DYNC2LI1: variants seen among roughly 807,000 people sequenced by gnomAD.
The protein encoded by DYNC2LI1 is dynein cytoplasmic 2 light intermediate chain 1.
In DYNC2LI1, 45 loss-of-function variants were observed where a neutral mutation model predicts 51.9. That is an observed-to-expected ratio of 0.87 (90% CI 0.68 to 1.11). The LOEUF is 1.11. DYNC2LI1 is among the 50% of genes most tolerant of loss of function. DYNC2LI1 has a pLI of 0.00. For synonymous variants in DYNC2LI1, 130 were observed against 137.8 expected, an observed-to-expected ratio of 0.94 and a Z score of 0.40; for missense variants, 490 against 417.4, an observed-to-expected ratio of 1.17 and a Z score of -1.51.
chr2:43,796,029 A>C, intron 7 of DYNC2LI1, 71 bp downstream of exon 7: 1 of 1,041,622 alleles, frequency 9.6e-7, no homozygotes, highest in Non-Finnish European at 1.4e-6. Context: ...GAGGTACAAA[A>C]ATAATATCAA....
At chr2:43,799,252 T>G (rs1002154966) in intron 8 of DYNC2LI1, among the ~76,000 whole-genome samples, 11 of 152,088 alleles carry the variant, frequency 7.2e-5, no homozygotes, top group Admixed American at 2.0e-4. Context: ...CAGTGAGTTA[T>G]GATCACACTG....
chr2:43,800,927 A>G lies in DYNC2LI1; in HGVS notation c.731+10A>G. ...TTGGCATTGACAAAAGGTACTGCTA[A>G]GATATTTTTTATATCATTTATTGAG... On this transcript the variant is annotated intron_variant, in intron 9 of 12. Coordinates refer to ENST00000260605, the MANE Select transcript of DYNC2LI1 (RefSeq NM_016008.4). The G allele has an allele frequency of 6.4e-7, 1 of 1,564,182 alleles. No individual in the cohort carries two copies. Among genetic ancestry groups the G allele is most frequent in the Admixed American group, 1.8e-5 (1 of 56,772 alleles).
chr2:43,784,875 A>G (rs762146104), intron 3 of DYNC2LI1, among the ~76,000 whole-genome samples: 7 of 152,246 alleles, frequency 4.6e-5, no homozygotes, highest in Admixed American at 3.9e-4. Flanking sequence ...TTTGGGACAT[A>G]TAACCGAATA....
At chr2:43,806,992 A>T (rs528576251) in intron 12 of DYNC2LI1, among the ~76,000 whole-genome samples, 1 of 152,338 alleles carries the variant, frequency 6.6e-6, no homozygotes, top group South Asian at 2.1e-4. Context: ...TCCAGATTGC[A>T]CACACAGGAC....
downstream of DYNC2LI1, among the ~76,000 whole-genome samples, chr2:43,813,709 G>GTT (rs1214033245): frequency 0.033 from 1,117 of 34,008 alleles, 228 homozygotes; most frequent in Middle Eastern, 0.059. Flanking sequence ...TTTTTTTTTC[G>GTT]TTTTTTTTTT....
intron 1 of DYNC2LI1, 22 bp from the exon 2 acceptor site, chr2:43,776,760 G>T (rs762604484): frequency 8.1e-7 from 1 of 1,241,802 alleles, no homozygotes; most frequent in African/African-American, 1.6e-5. Flanking sequence ...CCTCAATTTT[G>T]TTTTTTCTGC....
In DYNC2LI1 at chr2:43,804,777, G is replaced by T. The variant is rs779331143; in HGVS notation, c.900+38G>T. 1.1e-5 allele frequency: 15 copies of T among 1,339,250 alleles called. No homozygotes were observed. In the South Asian group the frequency reaches 1.7e-4, roughly 15 times the overall value. The allele number at this position is 1,339,250 out of a possible 1,614,324, so 83.0% of individuals were successfully genotyped here. On this transcript the variant is annotated intron_variant, in intron 11 of 12. Transcript: ENST00000260605. ...AATTTTTTTAAAAGCAAGACTTTTAGCACTGTCTAACAGTTATAGGAAATG... is the reference window on the plus strand; with the variant it reads ...AATTTTTTTAAAAGCAAGACTTTTATCACTGTCTAACAGTTATAGGAAATG...
At position 43,809,804 on chromosome 2, in the gene DYNC2LI1, C is replaced by G. The variant is rs1424341467; in HGVS notation, c.*37C>G. ...TTATTGTATATTTATTTCTTCTTTT[C>G]CAAATACAAATAAGATTATACTGTG... On this transcript the variant is annotated 3_prime_UTR_variant, in exon 13 of 13. Transcript: ENST00000260605. 6.4e-7 allele frequency: 1 copy of G among 1,574,304 alleles called. No individual in the cohort carries two copies. Among genetic ancestry groups the G allele is most frequent in the Non-Finnish European group, 8.6e-7 (1 of 1,159,850 alleles).
At chr2:43,774,992 A>G (rs928699724) in intron 1 of DYNC2LI1, among the ~76,000 whole-genome samples, 1 of 152,116 alleles carries the variant, frequency 6.6e-6, no homozygotes. Flanking sequence ...TAGTGCAAAC[A>G]TTTAAGGACT....
rs762694520 is a variant in DYNC2LI1, at chr2:43,794,624, A to C, written c.488A>C (p.Asn163Thr). The stretch of plus-strand genomic sequence containing the variant: ...GAAATGAGACAGAAGATCTGGAATA[A>C]TATGCCGAAGGATCATCCTGTGAGT... The part of the protein sequence containing the change: ...VSEMRQKIWN[N>T]MPKDHPDHEL... Residue 163 changes from asparagine to threonine, a missense_variant, in exon 6 of 13, where the codon AAT becomes ACT. Asn to Thr is a moderately conservative substitution (Grantham distance 65). Transcript: ENST00000260605. 2.4e-5 allele frequency: 39 copies of C among 1,613,996 alleles called. No individual in the cohort carries two copies. The South Asian group carries it at 4.2e-4, about 17-fold the overall frequency.
At chr2:43,796,541 A>C (rs1202224069) in intron 7 of DYNC2LI1, among the ~76,000 whole-genome samples, 177 bp from the exon 8 acceptor site, 1 of 152,216 alleles carries the variant, frequency 6.6e-6, no homozygotes, top group Admixed American at 6.5e-5. Flanking sequence ...CTGTAGTTCT[A>C]AGAAGGCTGC....
chr2:43,777,659 C>G (rs1004632465), intron 2 of DYNC2LI1, among the ~76,000 whole-genome samples: 3 of 152,216 alleles, frequency 2.0e-5, no homozygotes, highest in Non-Finnish European at 4.4e-5. Context: ...TTGACAAATA[C>G]GAAGCTTTCA....
intron 12 of DYNC2LI1, among the ~76,000 whole-genome samples, chr2:43,807,044 AATTACCAGTGTTGTTGCT>A (rs1666285620): frequency 6.6e-6 from 1 of 152,184 alleles, no homozygotes; most frequent in African/African-American, 2.4e-5. Context: ...ATACCCTAAC[AATTACCAGTGTTGTTGCT>A]GTTATTTCAT....
downstream of DYNC2LI1, chr2:43,810,343 T>C: frequency 1.0e-6 from 1 of 984,618 alleles, no homozygotes; most frequent in Non-Finnish European, 1.2e-6. Flanking sequence ...GCTGTGAGAC[T>C]GACACATTTA....
At chr2:43,808,579 A>G (rs1446166904) in intron 12 of DYNC2LI1, among the ~76,000 whole-genome samples, 1 of 152,228 alleles carries the variant, frequency 6.6e-6, no homozygotes, top group Non-Finnish European at 1.5e-5. Flanking sequence ...TTTACATGTC[A>G]GTTGCCTTGT....
At chr2:43,809,192 A>G (rs192850809) in intron 12 of DYNC2LI1, among the ~76,000 whole-genome samples, 220 of 152,076 alleles carry the variant, frequency 1.4e-3, no homozygotes, top group Non-Finnish European at 2.3e-3. Context: ...CGGTCTCCCT[A>G]TGTTGCCCAG....
the DYNC2LI1 span, among the ~76,000 whole-genome samples, chr2:43,826,685 A>G: frequency 2.6e-5 from 4 of 152,346 alleles, no homozygotes; most frequent in African/African-American, 7.2e-5. Context: ...CTCAGGAGAA[A>G]GGACCTGATG....
chr2:43,775,949 C>G (rs564332349), intron 1 of DYNC2LI1, among the ~76,000 whole-genome samples: 1 of 148,872 alleles, frequency 6.7e-6, no homozygotes, highest in South Asian at 2.1e-4. Context: ...AAGTGATCCA[C>G]CCACCTTGGC....
chr2:43,781,312 A>G (rs924221465), intron 2 of DYNC2LI1, among the ~76,000 whole-genome samples: 3 of 151,846 alleles, frequency 2.0e-5, no homozygotes, highest in African/African-American at 7.3e-5. Context: ...AGGTTTCATG[A>G]GCCAAGATGG....
Sources: allele counts gnomAD v4.1 joint callset (sites outside exome capture counted in the v4.1 genomes callset), GRCh38; gene constraint gnomAD v4.1.1; transcripts MANE v1.5; gene names NCBI Gene and HGNC (gene_info 2026-07-23, HGNC 2026-07-21).